The following WBP4 variants were observed in gnomAD, a reference collection of about 807,000 sequenced individuals.
The protein encoded by WBP4 is WW domain binding protein 4.
WBP4 carries 37 observed loss-of-function variants against 55.4 expected under a neutral mutation model. The observed-to-expected ratio is 0.67, with a 90% CI of 0.51 to 0.88. The LOEUF (loss-of-function observed/expected upper bound fraction) is 0.88, where lower values mean the gene tolerates loss of function less well. Among genes scored for constraint, WBP4 ranks in the 40% least tolerant of loss-of-function variants. The pLI, the probability that WBP4 is intolerant of heterozygous loss-of-function variation, is 0.00. For missense variants in WBP4, 398 were observed against 420.8 expected (o/e 0.95, Z 0.47); for synonymous variants, 142 against 140.2 (o/e 1.01, Z -0.09).
intron 1 of WBP4, 55 bp downstream of exon 1, chr13:41,061,730 T>G: frequency 6.2e-7 from 1 of 1,611,806 alleles, no homozygotes; most frequent in Non-Finnish European, 8.5e-7. Flanking sequence ...GGGCCGCCCT[T>G]TCTCGCCCGG....
chr13:41,067,319 A>C (rs1878017643), intron 4 of WBP4, among the ~76,000 whole-genome samples: 1 of 152,258 alleles, frequency 6.6e-6, no homozygotes, highest in Non-Finnish European at 1.5e-5. Context: ...GGATTTGGTC[A>C]TTCTTTTCAC....
chr13:41,065,803 T>C (rs1877948952), intron 4 of WBP4, among the ~76,000 whole-genome samples: 1 of 152,188 alleles, frequency 6.6e-6, no homozygotes, highest in Non-Finnish European at 1.5e-5. Context: ...AAAGACCTTA[T>C]TTAACTAGAC....
At chr13:41,080,865 A>G (rs570693437) in intron 9 of WBP4, 56 bp downstream of exon 9, 1 of 1,534,878 alleles carries the variant, frequency 6.5e-7, no homozygotes, top group African/African-American at 1.4e-5. Context: ...ACATCCCAGT[A>G]CTTCCCTAAA....
At chr13:41,077,532 A>G (rs1878556163) in intron 8 of WBP4, among the ~76,000 whole-genome samples, 1 of 152,154 alleles carries the variant, frequency 6.6e-6, no homozygotes, top group South Asian at 2.1e-4. Context: ...CACACAGCCA[A>G]CGTTATACTG....
chr13:41,068,889 T>C lies in WBP4; in HGVS notation c.439+152T>C, dbSNP rs569776886. The C allele has an allele frequency of 1.0e-4, 87 of 830,368 alleles. No homozygotes were observed. In the African/African-American group the frequency reaches 1.4e-3, roughly 13 times the overall value. The allele number at this position is 830,368 out of a possible 1,614,324, so 51.4% of individuals were successfully genotyped here. On this transcript the variant is annotated intron_variant, in intron 5 of 9. Transcript: ENST00000379487. ...TTGCCCCAAAGGTAAGAAAACTGTG[T>C]GCCCTTTAAAAAGGTACCCTTCTCA...
Position 41,065,151 on chromosome 13 carries a change from A to G in WBP4, c.139-13A>G, listed in dbSNP as rs773393146. 3.7e-6 allele frequency: 6 copies of G among 1,606,260 alleles called. No individual in the cohort carries two copies. Among genetic ancestry groups the G allele is most frequent in the Non-Finnish European group, 1.7e-6 (2 of 1,178,106 alleles). ...CTTTATCTCACTTTCACTGTTATGT[A>G]TGTCTTACATAGATTAAACAGAAAA... On this transcript the variant is annotated splice_polypyrimidine_tract_variant and intron_variant, in intron 3 of 9. Coordinates refer to ENST00000379487, the MANE Select transcript of WBP4 (RefSeq NM_007187.5).
chr13:41,071,021 C>T (rs1160375134), intron 5 of WBP4, among the ~76,000 whole-genome samples: 1 of 152,140 alleles, frequency 6.6e-6, no homozygotes, highest in Non-Finnish European at 1.5e-5. Context: ...AATTAGAAGT[C>T]TTTCTCAAAT....
rs73176960 is a variant in WBP4, at chr13:41,080,146, G to A, written c.757-500G>A. Among the ~76,000 whole-genome samples the A allele has an allele frequency of 7.4e-3, 1,123 of 152,218 alleles. 11 individuals carry two copies. Among genetic ancestry groups the A allele is most frequent in the Admixed American group, 0.016 (239 of 15,292 alleles). ...CAGGTTATAGGTACACTAAAAGCCC[G>A]TACTTCACCATGACATAATATATAC... On this transcript the variant is annotated intron_variant, in intron 8 of 9. Transcript: ENST00000379487.
At chr13:41,077,355 G>A (rs146303757) in intron 8 of WBP4, among the ~76,000 whole-genome samples, 28 of 152,208 alleles carry the variant, frequency 1.8e-4, no homozygotes, top group East Asian at 1.9e-4. Context: ...GGCCGAGTGC[G>A]GTGCCTCATG....
At chr13:41,081,690 T>C (rs990323121) in intron 9 of WBP4, among the ~76,000 whole-genome samples, 3 of 150,610 alleles carry the variant, frequency 2.0e-5, no homozygotes, top group Middle Eastern at 3.6e-3. Context: ...GGCCCACGCC[T>C]ATAAGCCCAG....
intron 7 of WBP4, among the ~76,000 whole-genome samples, chr13:41,073,290 G>A (rs960906282): frequency 1.3e-5 from 2 of 152,224 alleles, no homozygotes; most frequent in East Asian, 3.9e-4. Flanking sequence ...AAGACAGGTG[G>A]ATCACCTGAG....
At chr13:41,065,975 T>A (rs562174444) in intron 4 of WBP4, among the ~76,000 whole-genome samples, 1 of 152,306 alleles carries the variant, frequency 6.6e-6, no homozygotes, top group African/African-American at 2.4e-5. Context: ...ATTCCTCTAA[T>A]AAAAACAGCT....
chr13:41,061,577 G>T lies in WBP4; in HGVS notation c.-97G>T. ...GTGTCTGGATCGGAGGGAGGTTCGG[G>T]TGGGCATCGGGCGGCTGGAAGAGCT... On this transcript the variant is annotated 5_prime_UTR_variant, in exon 1 of 10. Transcript: ENST00000379487. 6.3e-7 allele frequency: 1 copy of T among 1,591,540 alleles called. No individual in the cohort carries two copies. Among genetic ancestry groups the T allele is most frequent in the Non-Finnish European group, 8.6e-7 (1 of 1,162,358 alleles).
At chr13:41,072,917 C>A in intron 7 of WBP4, 60 bp downstream of exon 7, 1 of 1,357,562 alleles carries the variant, frequency 7.4e-7, no homozygotes, top group South Asian at 1.3e-5. Context: ...TGCTTATTGG[C>A]CTGCTGATTA....
intron 4 of WBP4, among the ~76,000 whole-genome samples, chr13:41,066,510 A>G (rs1877980742): frequency 6.6e-6 from 1 of 151,860 alleles, no homozygotes; most frequent in Non-Finnish European, 1.5e-5. Context: ...TTTTCTTTTA[A>G]TTAGGGAGAT....
intron 5 of WBP4, among the ~76,000 whole-genome samples, chr13:41,069,887 A>G (rs942940518): frequency 2.0e-5 from 3 of 150,908 alleles, no homozygotes; most frequent in African/African-American, 7.3e-5. Flanking sequence ...TCAAAAAAAA[A>G]AAAAAGAAAA....
At position 41,083,017 on chromosome 13, in the gene WBP4, GATTT is replaced by G; in HGVS notation, c.*107_*110del. 1 of 1,064,228 alleles carries G rather than the reference GATTT, an allele frequency of 9.4e-7. No individual in the cohort carries two copies. Among genetic ancestry groups the G allele is most frequent in the Non-Finnish European group, 1.3e-6 (1 of 745,018 alleles). 65.9% of individuals were successfully genotyped at this position (1,064,228 alleles called of 1,614,324 possible). ...TAAGTATTATGATGCTAAAAATTTA[GATTT>G]ATTCTAAATGTATTTGATGTGAATT... On this transcript the variant is annotated 3_prime_UTR_variant, in exon 10 of 10. Transcript: ENST00000379487.
At chr13:41,074,032 T>C (rs1044732179) in intron 7 of WBP4, among the ~76,000 whole-genome samples, 3 of 151,502 alleles carry the variant, frequency 2.0e-5, no homozygotes, top group Admixed American at 1.3e-4. Flanking sequence ...CTGGGGTTCA[T>C]GCCATTCTCC....
Position 41,074,153 on chromosome 13 carries a change from G to A in WBP4, c.562+1296G>A, listed in dbSNP as rs111826670. ...TCACCATGTTAGTCAGGATGGTCTCGATCTCCTGACCTCGTGATCCGCCCG... is the reference window on the plus strand; with the variant it reads ...TCACCATGTTAGTCAGGATGGTCTCAATCTCCTGACCTCGTGATCCGCCCG... On this transcript the variant is annotated intron_variant, in intron 7 of 9. Coordinates refer to ENST00000379487, the MANE Select transcript of WBP4 (RefSeq NM_007187.5). Among the ~76,000 whole-genome samples the A allele has an allele frequency of 2.6e-3, 392 of 152,038 alleles. 3 individuals carry two copies. Among genetic ancestry groups the A allele is most frequent in the African/African-American group, 8.9e-3 (370 of 41,470 alleles).
Sources: allele counts gnomAD v4.1 joint callset (sites outside exome capture counted in the v4.1 genomes callset), GRCh38; gene constraint gnomAD v4.1.1; transcripts MANE v1.5; gene names NCBI Gene and HGNC (gene_info 2026-07-23, HGNC 2026-07-21).